Variants in ADAMTS3 observed in about 807,000 individuals in gnomAD.
The protein encoded by ADAMTS3 is ADAM metallopeptidase with thrombospondin type 1 motif 3.
In ADAMTS3, 73 loss-of-function variants were observed where a neutral mutation model predicts 129.0. The ratio of observed to expected loss-of-function variants is 0.57; its 90% CI spans 0.47 to 0.69. The LOEUF is 0.69. Ranked by LOEUF, ADAMTS3 falls within the 30% of genes least tolerant of loss-of-function variation. The pLI, the probability that ADAMTS3 is intolerant of heterozygous loss-of-function variation, is 0.00. For synonymous variants in ADAMTS3, 477 were observed against 510.8 expected (o/e 0.93, Z 0.89); for missense variants, 1,457 against 1,514.5 (o/e 0.96, Z 0.63).
chr4:72,425,589 G>C (rs1722550823), intron 3 of ADAMTS3, among the ~76,000 whole-genome samples: 1 of 152,028 alleles, frequency 6.6e-6, no homozygotes, highest in Admixed American at 6.6e-5. Flanking sequence ...GCAGTGTTTG[G>C]TTTTTTGTCT....
At chr4:72,487,928 G>C (rs1719633976) in intron 3 of ADAMTS3, among the ~76,000 whole-genome samples, 1 of 151,870 alleles carries the variant, frequency 6.6e-6, no homozygotes. Context: ...CTCTTCCTAA[G>C]AGAAAAAATA....
intron 4 of ADAMTS3, among the ~76,000 whole-genome samples, chr4:72,375,418 C>T (rs1002188972): frequency 6.6e-6 from 1 of 152,120 alleles, no homozygotes; most frequent in Non-Finnish European, 1.5e-5. Context: ...GCTCCTGGCC[C>T]TTCAAGAGCT....
At chr4:72,317,420 G>A (rs1044062106) in intron 10 of ADAMTS3, among the ~76,000 whole-genome samples, 4 of 149,952 alleles carry the variant, frequency 2.7e-5, no homozygotes, top group East Asian at 2.0e-4. Context: ...AAACACTTAC[G>A]TTCCTTGCTC....
intron 4 of ADAMTS3, among the ~76,000 whole-genome samples, chr4:72,398,412 A>G (rs1054923886): frequency 2.0e-5 from 3 of 151,892 alleles, no homozygotes; most frequent in Non-Finnish European, 4.4e-5. Context: ...CAAAAAATAA[A>G]TAAATAAATA....
In ADAMTS3 at chr4:72,320,725, G is replaced by A. The variant is rs1388421184; in HGVS notation, c.1091C>T (p.Ala364Val). The change falls in exon 7 of 22, where the codon GCT becomes GTT. Residue 364 changes from alanine (A) to valine (V), a missense_variant. Coordinates refer to ENST00000286657, the MANE Select transcript of ADAMTS3 (RefSeq NM_014243.3). The part of the protein sequence containing the change: ...IFLTRQDFGP[A>V]GMQGYAPVTG... ...ATTGACAGCAATACCTTGCATTCCA[G>A]CAGGTCCAAAGTCTTGCCTGGTTAA... 1.9e-6 allele frequency: 3 copies of A among 1,613,284 alleles called. No homozygotes were observed. Among genetic ancestry groups the A allele is most frequent in the African/African-American group, 2.7e-5 (2 of 74,986 alleles).
chr4:72,281,292 G>C lies in ADAMTS3; in HGVS notation c.*1844C>G, dbSNP rs1718334929. On this transcript the variant is annotated 3_prime_UTR_variant, in exon 22 of 22. Transcript: ENST00000286657. ...TTGACCTTCAAAGTTCTTGCACAAAGTAGCAGCAATTCTTTAGAGGTATAG... is the reference window on the plus strand; with the variant it reads ...TTGACCTTCAAAGTTCTTGCACAAACTAGCAGCAATTCTTTAGAGGTATAG... 1 of 152,518 alleles carries C rather than the reference G, an allele frequency of 6.6e-6. No homozygotes were observed. The highest frequency in any genetic ancestry group is 2.4e-5 in the African/African-American group (1 of 41,434). 9.4% of individuals were successfully genotyped at this position (152,518 alleles called of 1,614,324 possible).
At chr4:72,393,320 T>C (rs1476647503) in intron 4 of ADAMTS3, among the ~76,000 whole-genome samples, 1 of 152,196 alleles carries the variant, frequency 6.6e-6, no homozygotes, top group Non-Finnish European at 1.5e-5. Flanking sequence ...CTGTGGGATA[T>C]TATATAGACT....
intron 3 of ADAMTS3, among the ~76,000 whole-genome samples, chr4:72,495,393 T>C (rs1252756952): frequency 6.6e-6 from 1 of 152,090 alleles, no homozygotes; most frequent in Non-Finnish European, 1.5e-5. Context: ...GTATCTCTGC[T>C]CTCAGATGGG....
At chr4:72,397,349 A>G (rs1721751837) in intron 4 of ADAMTS3, among the ~76,000 whole-genome samples, 1 of 151,960 alleles carries the variant, frequency 6.6e-6, no homozygotes, top group Non-Finnish European at 1.5e-5. Context: ...TGGATCATGT[A>G]AGGTCATGAG....
chr4:72,416,433 C>G (rs1481663), intron 3 of ADAMTS3, among the ~76,000 whole-genome samples: 101,445 of 151,536 alleles, frequency 0.67, 34,584 homozygotes, highest in South Asian at 0.8. Flanking sequence ...GGAACCTATG[C>G]GACCGTGTCT....
At chr4:72,367,141 AT>A (rs1720888859) in intron 4 of ADAMTS3, among the ~76,000 whole-genome samples, 1 of 152,180 alleles carries the variant, frequency 6.6e-6, no homozygotes, top group Non-Finnish European at 1.5e-5. Context: ...TATTTCAGAA[AT>A]TCCACATTGT....
In ADAMTS3 at chr4:72,319,492, C is replaced by A; in HGVS notation, c.1209-17G>T. ...ATTCCCAACCTAGAACACAAAGAGA[C>A]CTCAGTGGTAAGAATCAGGGGCTAC... On this transcript the variant is annotated splice_polypyrimidine_tract_variant and intron_variant, in intron 8 of 21. Transcript: ENST00000286657. 2 of 1,600,458 alleles carry A rather than the reference C, an allele frequency of 1.2e-6. No homozygotes were observed. Among genetic ancestry groups the A allele is most frequent in the Non-Finnish European group, 1.7e-6 (2 of 1,175,584 alleles).
chr4:72,521,073 C>T (rs2109742557), intron 3 of ADAMTS3, among the ~76,000 whole-genome samples: 1 of 151,958 alleles, frequency 6.6e-6, no homozygotes, highest in South Asian at 2.1e-4. Flanking sequence ...TCTTGGCTCA[C>T]TGCAACCTCC....
chr4:72,327,261 A>C (rs1281578958), intron 5 of ADAMTS3, among the ~76,000 whole-genome samples: 2 of 152,204 alleles, frequency 1.3e-5, no homozygotes, highest in Non-Finnish European at 2.9e-5. Flanking sequence ...TAACAATTTG[A>C]ATCTGTCAAG....
intron 6 of ADAMTS3, among the ~76,000 whole-genome samples, chr4:72,321,676 A>G (rs1719558783): frequency 6.6e-6 from 1 of 152,176 alleles, no homozygotes; most frequent in South Asian, 2.1e-4. Context: ...ATTAATCAAC[A>G]TGTGGGGAGA....
chr4:72,390,455 T>C (rs969543550), intron 4 of ADAMTS3, among the ~76,000 whole-genome samples: 2 of 152,192 alleles, frequency 1.3e-5, no homozygotes, highest in African/African-American at 2.4e-5. Context: ...AAAGTTAAAA[T>C]AAATTGTCTT....
intron 3 of ADAMTS3, among the ~76,000 whole-genome samples, chr4:72,428,308 C>G (rs1722618877): frequency 1.3e-5 from 2 of 152,010 alleles, no homozygotes; most frequent in South Asian, 2.1e-4. Flanking sequence ...CTCTTAGCTA[C>G]TTTTCATAAA....
chr4:72,435,566 A>T (rs1413910186), intron 3 of ADAMTS3, among the ~76,000 whole-genome samples: 1 of 151,864 alleles, frequency 6.6e-6, no homozygotes, highest in Non-Finnish European at 1.5e-5. Flanking sequence ...TTAGCTCTGT[A>T]TTAAAACTGT....
intron 3 of ADAMTS3, among the ~76,000 whole-genome samples, chr4:72,517,330 T>A (rs1339042398): frequency 6.6e-6 from 1 of 152,236 alleles, no homozygotes; most frequent in Non-Finnish European, 1.5e-5. Flanking sequence ...GGCTTTGGTA[T>A]CAGGATGATG....
Sources: gnomAD v4.1 joint callset for allele counts (sites outside exome capture counted in the v4.1 genomes callset) on GRCh38, gnomAD v4.1.1 for gene constraint, MANE v1.5 for transcripts, NCBI Gene and HGNC (gene_info 2026-07-23, HGNC 2026-07-21) for gene names.